The following MSTN variants were observed in gnomAD, a reference collection of about 807,000 sequenced individuals.
MSTN encodes the protein myostatin, also known as growth/differentiation factor 8.
Under a neutral mutation model 32.3 loss-of-function variants are expected in MSTN, and 12 were observed. That is an observed-to-expected ratio of 0.37 (90% CI 0.24 to 0.60). The LOEUF (loss-of-function observed/expected upper bound fraction) is 0.60. Among genes scored for constraint, MSTN ranks in the 20% least tolerant of loss-of-function variants. The pLI is 0.67. For synonymous variants in MSTN, 168 were observed against 155.1 expected (o/e 1.08, Z -0.62); for missense variants, 403 against 450.3 (o/e 0.89, Z 0.95).
intron 1 of MSTN, 107 bp downstream of exon 1, chr2:190,062,117 T>G (rs965242388): frequency 1.4e-5 from 17 of 1,206,892 alleles, no homozygotes; most frequent in Non-Finnish European, 2.0e-5. Context: ...TCTACTTACA[T>G]ACAGGCCAAC....
chr2:190,058,364 A>T (rs1685496511), intron 2 of MSTN, among the ~76,000 whole-genome samples: 1 of 151,980 alleles, frequency 6.6e-6, no homozygotes, highest in Non-Finnish European at 1.5e-5. Context: ...TCTACCTATA[A>T]AAAGGAACAC....
intron 2 of MSTN, among the ~76,000 whole-genome samples, chr2:190,059,779 A>G (rs569839283): frequency 6.6e-6 from 1 of 152,034 alleles, no homozygotes; most frequent in African/African-American, 2.4e-5. Context: ...AATGAAAAGC[A>G]CTTTATATTT....
chr2:190,058,918 A>G (rs185608116), intron 2 of MSTN, among the ~76,000 whole-genome samples: 29 of 152,008 alleles, frequency 1.9e-4, no homozygotes, highest in African/African-American at 6.5e-4. Context: ...AAAACCTCAG[A>G]CTTCACCACT....
Position 190,060,077 on chromosome 2 carries a change from T to A in MSTN, c.732A>T (p.Pro244=). 6.2e-7 allele frequency: 1 copy of A among 1,612,432 alleles called. No individual in the cohort carries two copies. The highest frequency in any genetic ancestry group is 8.5e-7 in the Non-Finnish European group (1 of 1,178,790). The change falls in exon 2 of 3, where the codon CCA becomes CCT. Residue 244 remains proline, a synonymous_variant. Transcript: ENST00000260950. ...TATCACTTACCAGCCCATCTTCTCC[T>A]GGTCCTGGGAAGGTTACAGCAAGAT... ...GHDLAVTFPG[P]GEDGLNPFLE...
chr2:190,061,541 G>C (rs1685594394), intron 1 of MSTN, among the ~76,000 whole-genome samples: 2 of 151,958 alleles, frequency 1.3e-5, no homozygotes, highest in African/African-American at 4.8e-5. Context: ...AAGGTACAAG[G>C]AGGACTTTGT....
rs1457241873 is a variant in MSTN, at chr2:190,062,491, C to G, written c.106G>C (p.Glu36Gln). ...CAAGTACATGCATTACACAGCCCCT[C>G]TTTTTCCACATTTTCTTTTTGCTCA... ...NSEQKENVEK[E>Q]GLCNACTWRQ... Residue 36 changes from glutamate (E) to glutamine (Q), a missense_variant, in exon 1 of 3, where the codon GAG becomes CAG. Glu to Gln is a conservative substitution (Grantham distance 29). Transcript: ENST00000260950. 2 of 1,613,558 alleles carry G rather than the reference C, an allele frequency of 1.2e-6. No individual in the cohort carries two copies. The highest frequency in any genetic ancestry group is 1.7e-5 in the Admixed American group (1 of 59,964).
intron 2 of MSTN, among the ~76,000 whole-genome samples, chr2:190,058,924 C>T (rs768397324): frequency 5.3e-5 from 8 of 151,792 alleles, no homozygotes; most frequent in Non-Finnish European, 1.2e-4. Context: ...TCAGACTTCA[C>T]CACTGTACAA....
chr2:190,057,778 G>A (rs1476621530), intron 2 of MSTN, 140 bp from the exon 3 acceptor site: 11 of 860,628 alleles, frequency 1.3e-5, no homozygotes, highest in South Asian at 9.6e-5. Flanking sequence ...ACAGCATTAA[G>A]GAATGTTAAT....
At chr2:190,059,602 T>A (rs1685536605) in intron 2 of MSTN, among the ~76,000 whole-genome samples, 1 of 151,980 alleles carries the variant, frequency 6.6e-6, no homozygotes, top group Non-Finnish European at 1.5e-5. Flanking sequence ...GAATAAAACA[T>A]TTAATTATAA....
In MSTN at chr2:190,057,912, G is replaced by A. The variant is rs536592895; in HGVS notation, c.748-274C>T. On this transcript the variant is annotated intron_variant, in intron 2 of 2. Coordinates refer to ENST00000260950, the MANE Select transcript of MSTN (RefSeq NM_005259.3). Reference sequence around the variant, plus strand: ...CCAAGTTTGAGTACCAGATTGCCTGGCACATAATGGATGTCCTGAAAATAT... The same window carrying A: ...CCAAGTTTGAGTACCAGATTGCCTGACACATAATGGATGTCCTGAAAATAT... Among the ~76,000 whole-genome samples, 4 of 152,010 alleles carry A rather than the reference G, an allele frequency of 2.6e-5. No individual in the cohort carries two copies. The South Asian group carries it at 8.3e-4, about 32-fold the overall frequency.
At chr2:190,058,348 T>G (rs763447383) in intron 2 of MSTN, among the ~76,000 whole-genome samples, 8 of 152,050 alleles carry the variant, frequency 5.3e-5, no homozygotes, top group Non-Finnish European at 1.0e-4. Flanking sequence ...TTTTGATCAT[T>G]AAAATTCTAC....
rs1685615285 is a variant in MSTN, at chr2:190,062,228, T to C, written c.369A>G (p.Thr123=). Residue 123 remains threonine (T), a synonymous_variant, in exon 1 of 3, where the codon ACA becomes ACG. Transcript: ENST00000260950. ...TACACTAATAGGACTACTTACACTCTGTAGGCATGGTAATGATTGTTTCCG... is the reference window on the plus strand; with the variant it reads ...TACACTAATAGGACTACTTACACTCCGTAGGCATGGTAATGATTGTTTCCG... ...ATTETIITMP[T]ESDFLMQVDG... is the part of the protein sequence containing the mutation. 6.2e-7 allele frequency: 1 copy of C among 1,612,938 alleles called. No homozygotes were observed. Among genetic ancestry groups the C allele is most frequent in the Non-Finnish European group, 8.5e-7 (1 of 1,179,112 alleles).
intron 2 of MSTN, among the ~76,000 whole-genome samples, chr2:190,059,019 CAT>C (rs1055513429): frequency 6.6e-6 from 1 of 150,854 alleles, no homozygotes; most frequent in African/African-American, 2.4e-5. Flanking sequence ...TATATATACA[CAT>C]ATATATAATA....
chr2:190,059,538 C>A (rs932927495), intron 2 of MSTN, among the ~76,000 whole-genome samples: 1 of 151,828 alleles, frequency 6.6e-6, no homozygotes, highest in South Asian at 2.1e-4. Flanking sequence ...TCTTGAGAAA[C>A]CTTAAATATA....
At chr2:190,060,039 T>C (rs781590083) in intron 2 of MSTN, 23 bp downstream of exon 2, 8 of 1,604,894 alleles carry the variant, frequency 5.0e-6, no homozygotes, top group Middle Eastern at 1.7e-4. Context: ...GTTATTATAA[T>C]GTTATTTTCA....
chr2:190,060,811 T>TA (rs745356441), intron 1 of MSTN, among the ~76,000 whole-genome samples: 13 of 151,934 alleles, frequency 8.6e-5, no homozygotes, highest in Admixed American at 5.3e-4. Context: ...TCTGAGTAGT[T>TA]ACACTTACTG....
chr2:190,062,687 T>C lies in MSTN; in HGVS notation c.-91A>G. 7 of 1,259,636 alleles carry C rather than the reference T, an allele frequency of 5.6e-6. No individual in the cohort carries two copies. Among genetic ancestry groups the C allele is most frequent in the Non-Finnish European group, 7.8e-6 (7 of 895,690 alleles). The allele number at this position is 1,259,636 out of a possible 1,614,324, so 78.0% of individuals were successfully genotyped here. A position where few individuals can be genotyped will look rare whatever the true frequency, so the allele number is the denominator to read the frequency against. ...TGAGTAATGCCAAGCAAAATTTTAA[T>C]GCATGTACAGTCTGAGAGACAACTT... On this transcript the variant is annotated 5_prime_UTR_variant, in exon 1 of 3. Coordinates refer to ENST00000260950, the MANE Select transcript of MSTN (RefSeq NM_005259.3).
At position 190,057,567 on chromosome 2, in the gene MSTN, A is replaced by C. The variant is rs1220544062; in HGVS notation, c.819T>G (p.Asp273Glu). ...AGCATCGTGATTCTGTTGAGTGCTC[A>C]TCACAGTCAAGACCAAAATCCCTTC... ...RSRRDFGLDC[D>E]EHSTESRCCR... Residue 273 changes from aspartate (D) to glutamate (E), a missense_variant, in exon 3 of 3, where the codon GAT becomes GAG. By Grantham distance (45) the Asp-to-Glu change is conservative (BLOSUM62 2). Coordinates refer to ENST00000260950, the MANE Select transcript of MSTN (RefSeq NM_005259.3). 3 of 1,613,576 alleles carry C rather than the reference A, an allele frequency of 1.9e-6. No individual in the cohort carries two copies. The highest frequency in any genetic ancestry group is 2.5e-6 in the Non-Finnish European group (3 of 1,179,592).
At chr2:190,060,522 A>G (rs771836980) in intron 1 of MSTN, 87 bp from the exon 2 acceptor site, 136 of 1,204,296 alleles carry the variant, frequency 1.1e-4, no homozygotes, top group Non-Finnish European at 1.6e-4. Flanking sequence ...ATTTTTTTAA[A>G]TTAAGATAAT....
Sources: allele counts gnomAD v4.1 joint callset (sites outside exome capture counted in the v4.1 genomes callset), GRCh38; gene constraint gnomAD v4.1.1; transcripts MANE v1.5; gene names NCBI Gene and HGNC (gene_info 2026-07-23, HGNC 2026-07-21).